CARD19: variants seen among roughly 807,000 people sequenced by gnomAD.
The protein encoded by CARD19 is caspase recruitment domain family member 19.
Under a neutral mutation model 24.1 loss-of-function variants are expected in CARD19, and 25 were observed. That is an observed-to-expected ratio of 1.04 (90% confidence interval 0.76 to 1.45). The LOEUF (loss-of-function observed/expected upper bound fraction) is 1.45. Ranked by LOEUF, CARD19 falls within the 40% of genes most tolerant of loss-of-function variation. CARD19 has a pLI of 0.00. For missense variants in CARD19, 241 were observed against 247.4 expected (o/e 0.97, Z 0.17); for synonymous variants, 103 against 104.9 (o/e 0.98, Z 0.11).
chr9:93,110,377 C>G, intron 2 of CARD19, 191 bp from the exon 3 acceptor site: 1 of 864,756 alleles, frequency 1.2e-6, no homozygotes, highest in Non-Finnish European at 1.7e-6. Flanking sequence ...AGCAGTGATG[C>G]CTGTGACAGA....
intron 2 of CARD19, chr9:93,109,934 T>G (rs4744176): frequency 0.66 from 100,284 of 152,174 alleles, 35,190 homozygotes; most frequent in Non-Finnish European, 0.77. Context: ...GTGGAGTAGC[T>G]GGCTAAGGTC....
At chr9:93,107,622 C>A (rs55971659) in intron 1 of CARD19, 52 bp from the exon 2 acceptor site, 157,286 of 1,605,932 alleles carry the variant, frequency 0.098, 8,587 homozygotes, top group South Asian at 0.18. Context: ...AGGCTGTCGT[C>A]TCTGGTCCCC....
intron 1 of CARD19, among the ~76,000 whole-genome samples, chr9:93,097,150 G>A (rs1826904231): frequency 1.3e-5 from 2 of 152,196 alleles, no homozygotes; most frequent in Non-Finnish European, 2.9e-5. Context: ...CGGCCAGGGA[G>A]TATGGGGGTT....
chr9:93,111,434 G>GACA, intron 3 of CARD19: 1 of 1,074,614 alleles, frequency 9.3e-7, no homozygotes, highest in Non-Finnish European at 1.1e-6. Context: ...AGAGACCAGA[G>GACA]GGACTGGGCG....
intron 5 of CARD19, 74 bp downstream of exon 5, chr9:93,112,363 C>A: frequency 7.5e-7 from 1 of 1,339,298 alleles, no homozygotes; most frequent in Non-Finnish European, 1.0e-6. Context: ...CAGACCCTGC[C>A]CAATTTGGGA....
intron 1 of CARD19, among the ~76,000 whole-genome samples, chr9:93,098,936 C>T (rs2119060124): frequency 8.3e-6 from 1 of 120,886 alleles, no homozygotes; most frequent in African/African-American, 3.2e-5. Flanking sequence ...GAGTCTCATT[C>T]TGTCACCCAA....
rs574829842 is a variant in CARD19, at chr9:93,096,312, G to T, written c.-34G>T. ...GGGCGGACGCGCGGCGGGGCAGACC[G>T]CTGGGGACTGCGGGCGGCGCTGTGT... On this transcript the variant is annotated 5_prime_UTR_variant, in exon 1 of 6. Coordinates refer to ENST00000375464, the MANE Select transcript of CARD19 (RefSeq NM_032310.5). This position sits in a 1 kb window ranked among gnomAD's most constrained non-coding sequence, Gnocchi z 5.4. 3.3e-6 allele frequency: 4 copies of T among 1,225,222 alleles called. No individual in the cohort carries two copies. Among genetic ancestry groups the T allele is most frequent in the Non-Finnish European group, 4.1e-6 (4 of 983,632 alleles). The allele number at this position is 1,225,222 out of a possible 1,614,324, so 75.9% of individuals were successfully genotyped here.
At chr9:93,106,816 A>G (rs1827282011) in intron 1 of CARD19, among the ~76,000 whole-genome samples, 1 of 152,072 alleles carries the variant, frequency 6.6e-6, no homozygotes, top group Non-Finnish European at 1.5e-5. Flanking sequence ...TACATGGGGA[A>G]ACAGGACAAG....
chr9:93,111,567 C>G (rs1232067888), intron 3 of CARD19: 29 of 1,259,444 alleles, frequency 2.3e-5, no homozygotes, highest in Non-Finnish European at 2.9e-5. Flanking sequence ...GCAGGTGGGA[C>G]TGGCTCTCCC....
At chr9:93,107,188 C>T (rs1048323832) in intron 1 of CARD19, among the ~76,000 whole-genome samples, 1 of 152,100 alleles carries the variant, frequency 6.6e-6, no homozygotes, top group African/African-American at 2.4e-5. Context: ...TCTGGGCATT[C>T]TTGATCTCGA....
chr9:93,112,084 CT>C (rs1187219092), intron 4 of CARD19, 133 bp from the exon 5 acceptor site: 18 of 1,303,412 alleles, frequency 1.4e-5, no homozygotes, highest in South Asian at 1.3e-4. Flanking sequence ...GACCCCCCCC[CT>C]AAGGTGCTCG....
Position 93,096,511 on chromosome 9 carries a change from C to T in CARD19, c.7+159C>T, listed in dbSNP as rs1826865297. 6.6e-6 allele frequency among the ~76,000 whole-genome samples: 1 copy of T among 152,054 alleles called. No homozygotes were observed. On this transcript the variant is annotated intron_variant, in intron 1 of 5. Coordinates refer to ENST00000375464, the MANE Select transcript of CARD19 (RefSeq NM_032310.5). This position sits in a 1 kb window ranked among gnomAD's most constrained non-coding sequence, Gnocchi z 5.4. The stretch of plus-strand genomic sequence containing the variant: ...AGCTGTCGGTGGTGCGCGAGTGCAC[C>T]CCCGCGAAGTGGTGGGTGTCCCGGG...
rs1827479312 is a variant in CARD19 at position 93,111,432 on chromosome 9, G to A, written c.305-447G>A. 26 of 1,076,600 alleles carry A rather than the reference G, an allele frequency of 2.4e-5. 1 individual carries two copies. The highest frequency in any genetic ancestry group is 2.8e-5 in the Non-Finnish European group (25 of 883,420). 66.7% of individuals were successfully genotyped at this position (1,076,600 alleles called of 1,614,324 possible). A position where few individuals can be genotyped will look rare whatever the true frequency, so the allele number is the denominator to read the frequency against. On this transcript the variant is annotated intron_variant, in intron 3 of 5. Coordinates refer to ENST00000375464, the MANE Select transcript of CARD19 (RefSeq NM_032310.5). ...CCCTTAGACAACAGGACAGAGACCA[G>A]AGGGACTGGGCGGCTTGTCCCAGGC...
chr9:93,110,771 G>A (rs746121591), intron 3 of CARD19, 50 bp downstream of exon 3: 23 of 1,572,570 alleles, frequency 1.5e-5, no homozygotes, highest in East Asian at 1.2e-4. Flanking sequence ...CCCGGGGAGG[G>A]CACCCCAGCC....
intron 1 of CARD19, among the ~76,000 whole-genome samples, chr9:93,106,882 C>T (rs542757922): frequency 7.8e-4 from 118 of 152,200 alleles, no homozygotes; most frequent in African/African-American, 2.6e-3. Flanking sequence ...GGTCCTGTGC[C>T]CCATCCTCTC....
rs1300160941 is a variant in CARD19, at chr9:93,096,397, A to T, written c.7+45A>T. On this transcript the variant is annotated intron_variant, in intron 1 of 5. Transcript: ENST00000375464. The surrounding 1 kb of genome is among the most constrained non-coding windows in gnomAD (Gnocchi z 5.4). ...GGCGGCAGGGATGCGGGCGCCCTGGATGGGTGGCCCGGCCCGGGGGTCCGG... is the reference window on the plus strand; with the variant it reads ...GGCGGCAGGGATGCGGGCGCCCTGGTTGGGTGGCCCGGCCCGGGGGTCCGG... 1.7e-5 allele frequency: 21 copies of T among 1,223,118 alleles called. No individual in the cohort carries two copies. The highest frequency in any genetic ancestry group is 3.1e-4 in the Middle Eastern group (1 of 3,192). The allele number at this position is 1,223,118 out of a possible 1,614,324, so 75.8% of individuals were successfully genotyped here.
At chr9:93,098,818 C>T (rs1279525110) in intron 1 of CARD19, among the ~76,000 whole-genome samples, 1 of 151,504 alleles carries the variant, frequency 6.6e-6, no homozygotes, top group African/African-American at 2.4e-5. Context: ...GCTTGCAGGG[C>T]AGGAGGAAGC....
intron 1 of CARD19, among the ~76,000 whole-genome samples, chr9:93,105,391 G>T (rs749522645): frequency 6.6e-6 from 1 of 152,000 alleles, no homozygotes; most frequent in African/African-American, 2.4e-5. Flanking sequence ...AGGATTTCTC[G>T]TGCCTCAGCC....
intron 1 of CARD19, among the ~76,000 whole-genome samples, chr9:93,106,559 C>T (rs773289756): frequency 3.5e-5 from 5 of 144,340 alleles, no homozygotes; most frequent in African/African-American, 5.5e-5. Flanking sequence ...CAGAGCAAGA[C>T]TCTATCTCAA....
Sources: gnomAD v4.1 joint callset for allele counts (sites outside exome capture counted in the v4.1 genomes callset) on GRCh38, gnomAD v4.1.1 for gene constraint, Gnocchi (gnomAD v3.1) non-coding constraint, MANE v1.5 for transcripts, NCBI Gene and HGNC (gene_info 2026-07-23, HGNC 2026-07-21) for gene names.